SLC12A5: variants seen among roughly 807,000 people sequenced by gnomAD.
The protein encoded by SLC12A5 is K-Cl cotransporter 2.
In SLC12A5, 18 loss-of-function variants were observed where a neutral mutation model predicts 124.0. The ratio of observed to expected loss-of-function variants is 0.15; its 90% CI spans 0.10 to 0.22. The LOEUF (loss-of-function observed/expected upper bound fraction) is 0.22, where lower values mean the gene tolerates loss of function less well. SLC12A5 is among the 10% of genes least tolerant of loss of function. SLC12A5 has a pLI of 1.00. For synonymous variants in SLC12A5, 589 were observed against 568.0 expected (o/e 1.04, Z -0.53); for missense variants, 867 against 1,478.7 (o/e 0.59, Z 6.78).
intron 9 of SLC12A5, 32 bp from the exon 10 acceptor site, chr20:46,043,601 G>C (rs1450451973): frequency 6.8e-6 from 11 of 1,610,518 alleles, no homozygotes; most frequent in Non-Finnish European, 8.5e-6. Context: ...TGTGGCCCTG[G>C]CTTGAGTCCT....
At position 46,056,498 on chromosome 20, in the gene SLC12A5, C is replaced by A. The variant is rs769375633; in HGVS notation, c.3044C>A (p.Ala1015Glu). 1 of 1,614,148 alleles carries A rather than the reference C, an allele frequency of 6.2e-7. No homozygotes were observed. The change falls in exon 23 of 26, where the codon GCA (alanine) becomes GAA (glutamate). Residue 1015 changes from alanine to glutamate, a missense_variant. Physicochemically the swap from Ala to Glu is moderately radical, Grantham distance 107 (BLOSUM62 -1). Around this residue, in one of 9 missense-constraint regions of SLC12A5, gnomAD observed 180 missense variants for 243.6 expected, o/e 0.74. Transcript: ENST00000243964. The surrounding 1 kb of genome is among the most constrained non-coding windows in gnomAD (Gnocchi z 4.3). The stretch of plus-strand genomic sequence containing the variant: ...ACCTGGACCAAGGACAAGTCGGTGG[C>A]AGAGAAGAATAAGGGCCCCAGTCCT... ...HLTWTKDKSVAEKNKGPSPVS... is the reference protein window; with the variant it reads ...HLTWTKDKSVEEKNKGPSPVS...
At chr20:46,026,642 A>G (rs1459084688), upstream of SLC12A5, among the ~76,000 whole-genome samples, 1 of 152,230 alleles carries the variant, frequency 6.6e-6, no homozygotes, top group Non-Finnish European at 1.5e-5. Context: ...TAGAGCACTA[A>G]GAGTTTTCAG....
At chr20:46,022,959 GGAGGAGGAGGAGGAGGAA>G (rs1407365075) in exon 2 of SLC12A5, 6 of 402,568 alleles carry the variant, frequency 1.5e-5, no homozygotes, top group Non-Finnish European at 2.6e-5. Flanking sequence ...AGGAGGAGGA[GGAGGAGGAGGAGGAGGAA>G]GAGGAGGAGG....
chr20:46,039,699 C>T (rs1488882591), intron 6 of SLC12A5, among the ~76,000 whole-genome samples: 1 of 151,998 alleles, frequency 6.6e-6, no homozygotes, highest in African/African-American at 2.4e-5. Flanking sequence ...CACTTGAACC[C>T]AGGAGGTGGA....
At chr20:46,030,808 C>CA (rs1435023888) in intron 1 of SLC12A5, among the ~76,000 whole-genome samples, 2 of 149,980 alleles carry the variant, frequency 1.3e-5, no homozygotes, top group Non-Finnish European at 3.0e-5. Context: ...GACTCCCCCC[C>CA]ACCCCCCGCC....
At chr20:46,043,494 C>A in intron 9 of SLC12A5, 139 bp from the exon 10 acceptor site, 1 of 1,168,742 alleles carries the variant, frequency 8.6e-7, no homozygotes, top group Non-Finnish European at 1.2e-6. Context: ...AGCTAAGTAA[C>A]ATGTCCAAGG....
intron 10 of SLC12A5, 36 bp downstream of exon 10, chr20:46,043,767 G>A (rs2084569264): frequency 6.2e-7 from 1 of 1,613,436 alleles, no homozygotes; most frequent in African/African-American, 1.3e-5. Flanking sequence ...CACCCTCGGG[G>A]GAGGGCAAGA....
chr20:46,048,696 C>A (rs1303424712), intron 16 of SLC12A5, among the ~76,000 whole-genome samples: 1 of 152,024 alleles, frequency 6.6e-6, no homozygotes, highest in Non-Finnish European at 1.5e-5. Flanking sequence ...CATGGCGAGA[C>A]CCCATCTGTG....
At chr20:46,046,032 A>G (rs374878336) in intron 13 of SLC12A5, 36 bp downstream of exon 13, 10 of 1,588,520 alleles carry the variant, frequency 6.3e-6, no homozygotes, top group Non-Finnish European at 8.6e-6. Flanking sequence ...CCCCTGGTTC[A>G]GGGTGTTTCT....
At position 46,035,264 on chromosome 20, in the gene SLC12A5, C is replaced by A. The variant is rs573553565; in HGVS notation, c.148-140C>A. The A allele has an allele frequency of 1.8e-5, 21 of 1,154,324 alleles. No individual in the cohort carries two copies. The East Asian group carries it at 4.5e-4, about 25-fold the overall frequency. 71.5% of individuals were successfully genotyped at this position (1,154,324 alleles called of 1,614,324 possible). A position where few individuals can be genotyped will look rare whatever the true frequency, so the allele number is the denominator to read the frequency against. ...ACCATTCTTACCCCTGTTCTCCTCA[C>A]CTGTTCCTCCTCCTTTCCCATCTCA... is the stretch of plus-strand genomic sequence containing the variant. On this transcript the variant is annotated intron_variant, in intron 2 of 25. Transcript: ENST00000243964.
At chr20:46,021,763 G>C (rs1415058924), upstream of SLC12A5, 4 of 1,533,628 alleles carry the variant, frequency 2.6e-6, no homozygotes, top group Non-Finnish European at 1.7e-6. Context: ...TCCTTTCCGC[G>C]CCATGAGCCG....
intron 1 of SLC12A5, chr20:46,022,896 G>C (rs1171949044): frequency 2.3e-5 from 9 of 391,616 alleles, no homozygotes; most frequent in South Asian, 1.3e-4. Flanking sequence ...TGAGGCCCTC[G>C]GGTCTGGAAG....
chr20:46,032,852 GC>G (rs2084465932), intron 1 of SLC12A5, among the ~76,000 whole-genome samples: 1 of 152,148 alleles, frequency 6.6e-6, no homozygotes, highest in Non-Finnish European at 1.5e-5. Flanking sequence ...CTGTTCTCTG[GC>G]CCCAGAGAGC....
chr20:46,059,362 C>T lies in SLC12A5; in HGVS notation c.*1757C>T. 2.6e-6 allele frequency: 1 copy of T among 388,332 alleles called. No homozygotes were observed. The highest frequency in any genetic ancestry group is 3.7e-5 in the East Asian group (1 of 27,352). The allele number at this position is 388,332 out of a possible 1,614,324, so 24.1% of individuals were successfully genotyped here. On this transcript the variant is annotated 3_prime_UTR_variant, in exon 26 of 26. Transcript: ENST00000243964. Reference sequence around the variant, plus strand: ...AGGTTTGGAGGTCTGCCAGTTACACCAAGTCCCCTCTGAGATTCGATCAGG... The same window carrying T: ...AGGTTTGGAGGTCTGCCAGTTACACTAAGTCCCCTCTGAGATTCGATCAGG...
At chr20:46,047,407 A>G (rs778856628) in intron 14 of SLC12A5, 47 bp from the exon 15 acceptor site, 1 of 1,600,036 alleles carries the variant, frequency 6.2e-7, no homozygotes, top group East Asian at 2.2e-5. Flanking sequence ...CAGCTTCAGC[A>G]ACAGCCCTGC....
At chr20:46,044,526 AGG>A (rs1000273432) in intron 11 of SLC12A5, among the ~76,000 whole-genome samples, 1 of 152,170 alleles carries the variant, frequency 6.6e-6, no homozygotes, top group Non-Finnish European at 1.5e-5. Flanking sequence ...GCTTGGAGGA[AGG>A]GCATTCCAGG....
rs530200217 is a variant in SLC12A5, at chr20:46,043,452, A to G, written c.1237+129A>G. 9.2e-4 allele frequency: 1,190 copies of G among 1,294,498 alleles called. 22 individuals are homozygous for G. The South Asian group carries it at 0.015, about 17-fold the overall frequency. The allele number at this position is 1,294,498 out of a possible 1,614,324, so 80.2% of individuals were successfully genotyped here. Reference sequence around the variant, plus strand: ...AAGCAACCGTAACATTTCACTTCCCATTGGAGAGATGAGGGAATTAAGGCC... The same window carrying G: ...AAGCAACCGTAACATTTCACTTCCCGTTGGAGAGATGAGGGAATTAAGGCC... On this transcript the variant is annotated intron_variant, in intron 9 of 25. Coordinates refer to ENST00000243964, the MANE Select transcript of SLC12A5 (RefSeq NM_020708.5).
At chr20:46,044,945 C>G in intron 11 of SLC12A5, 21 bp from the exon 12 acceptor site, 1 of 1,614,164 alleles carries the variant, frequency 6.2e-7, no homozygotes, top group South Asian at 1.1e-5. Flanking sequence ...CACCTGGCAT[C>G]TCCTGTCCAC....
chr20:46,031,734 C>T (rs2084451621), intron 1 of SLC12A5, among the ~76,000 whole-genome samples: 2 of 152,140 alleles, frequency 1.3e-5, no homozygotes, highest in Admixed American at 6.5e-5. Flanking sequence ...CCCGGGAGCT[C>T]TGGCCGCCGC....
Sources: gnomAD v4.1 joint callset for allele counts (sites outside exome capture counted in the v4.1 genomes callset) on GRCh38, gnomAD v4.1.1 for gene constraint, gnomAD v4.1.1 regional missense constraint, Gnocchi (gnomAD v3.1) non-coding constraint, MANE v1.5 for transcripts, NCBI Gene and HGNC (gene_info 2026-07-23, HGNC 2026-07-21) for gene names.